TRRAP: variants seen among roughly 807,000 people sequenced by gnomAD.
TRRAP encodes the protein transformation/transcription domain associated protein.
TRRAP carries 41 observed loss-of-function variants against 438.8 expected under a neutral mutation model. The observed-to-expected ratio is 0.09, with a 90% CI of 0.07 to 0.12. The LOEUF is 0.12. TRRAP is among the 10% of genes least tolerant of loss of function. The pLI is 1.00. For synonymous variants in TRRAP, 1,994 were observed against 1,962.9 expected (o/e 1.02, Z -0.42); for missense variants, 3,122 against 5,055.1 (o/e 0.62, Z 11.60).
rs1435794744 is a variant in TRRAP at position 98,920,465 on chromosome 7, G to A, written c.2623-1288G>A. On this transcript the variant is annotated intron_variant, in intron 20 of 72. Transcript: ENST00000456197. ...AGCCTGGTTGACAGAGCGAGACTCC[G>A]TCTCCAAAAAAAAAAAAAAGAAAAG... is the stretch of plus-strand genomic sequence containing the variant. Among the ~76,000 whole-genome samples, 8 of 148,886 alleles carry A rather than the reference G, an allele frequency of 5.4e-5. No individual in the cohort carries two copies. The East Asian group carries it at 7.9e-4, about 15-fold the overall frequency.
intron 67 of TRRAP, among the ~76,000 whole-genome samples, chr7:99,003,237 A>G (rs767408155): frequency 3.3e-5 from 5 of 152,238 alleles, no homozygotes; most frequent in Non-Finnish European, 7.3e-5. Flanking sequence ...ACAGAAAGAC[A>G]TTTTAATATG....
At position 98,964,655 on chromosome 7, in the gene TRRAP, T is replaced by C; in HGVS notation, c.6856T>C (p.Cys2286Arg). The change falls in exon 48 of 73, where the codon TGC becomes CGC. Residue 2286 changes from cysteine (C) to arginine (R), a missense_variant. Physicochemically the swap from Cys to Arg is radical, Grantham distance 180. Around this residue, in one of 24 missense-constraint regions of TRRAP, gnomAD observed 992 missense variants for 1,281.2 expected, o/e 0.77. Transcript: ENST00000456197. ...GACCCTTATGATCCTCAAGTCTGCC[T>C]GCAGCAACAACCCCAGCTACATAGA... Reference protein sequence around the residue: ...FGTLMILKSACSNNPSYIDRL... With the variant: ...FGTLMILKSARSNNPSYIDRL... 6.2e-7 allele frequency: 1 copy of C among 1,614,016 alleles called. No homozygotes were observed. Among genetic ancestry groups the C allele is most frequent in the Non-Finnish European group, 8.5e-7 (1 of 1,179,972 alleles).
chr7:98,913,536 C>T (rs1247919401), intron 18 of TRRAP, among the ~76,000 whole-genome samples: 1 of 152,082 alleles, frequency 6.6e-6, no homozygotes, highest in Non-Finnish European at 1.5e-5. Flanking sequence ...TGATCGTCTG[C>T]CTTGGCCTCT....
At chr7:98,981,443 CTG>C (rs1049914295) in intron 58 of TRRAP, among the ~76,000 whole-genome samples, 1 of 152,128 alleles carries the variant, frequency 6.6e-6, no homozygotes, top group African/African-American at 2.4e-5. Context: ...TGTTAGCAGA[CTG>C]TGTGATTTTT....
intron 67 of TRRAP, chr7:98,999,975 C>G (rs2116838241): frequency 4.8e-6 from 1 of 207,790 alleles, no homozygotes; most frequent in African/African-American, 2.4e-5. Flanking sequence ...AAAAGGATGT[C>G]AGCACCGCAA....
chr7:98,931,099 CAT>C (rs1441875134), intron 25 of TRRAP, among the ~76,000 whole-genome samples: 6 of 152,352 alleles, frequency 3.9e-5, no homozygotes, highest in South Asian at 4.1e-4. Flanking sequence ...TTCTGCTTCT[CAT>C]GTGCTGTTTC....
chr7:98,919,382 C>T (rs921967469), intron 20 of TRRAP, among the ~76,000 whole-genome samples: 2 of 152,186 alleles, frequency 1.3e-5, no homozygotes, highest in African/African-American at 4.8e-5. Flanking sequence ...AGGAGCATTG[C>T]TTGAGCCTAG....
chr7:99,010,984 T>G, intron 70 of TRRAP, 68 bp from the exon 71 acceptor site: 17 of 1,492,624 alleles, frequency 1.1e-5, no homozygotes, highest in Non-Finnish European at 1.4e-5. Flanking sequence ...AATTGCAATT[T>G]GAGAATTTTT....
At chr7:98,914,963 T>C (rs1789454236) in intron 18 of TRRAP, among the ~76,000 whole-genome samples, 1 of 151,982 alleles carries the variant, frequency 6.6e-6, no homozygotes. Flanking sequence ...AAACTTAGCA[T>C]GTGACATATC....
chr7:98,987,022 C>T (rs913911052), intron 62 of TRRAP, among the ~76,000 whole-genome samples: 1 of 152,164 alleles, frequency 6.6e-6, no homozygotes, highest in African/African-American at 2.4e-5. Context: ...CAGTGGCTCA[C>T]ACCTGTAATC....
At position 98,897,773 on chromosome 7, in the gene TRRAP, C is replaced by A. The variant is rs150341749; in HGVS notation, c.540C>A (p.Pro180=). 9.9e-6 allele frequency: 16 copies of A among 1,613,666 alleles called. No individual in the cohort carries two copies. The African/African-American group carries it at 2.1e-4, about 22-fold the overall frequency. ...ACTTTGAGAACCCTCAAGTGATCCC[C>A]GAGAACACAGTGCCTCCCCCAGAAA... ...NRYFENPQVI[P]ENTVPPPEMV... is the part of the protein sequence containing the mutation. The change falls in exon 8 of 73, where the codon CCC becomes CCA. Residue 180 remains proline, a synonymous_variant. Coordinates refer to ENST00000456197, the MANE Select transcript of TRRAP (RefSeq NM_001375524.1).
rs539964537 is a variant in TRRAP at position 98,931,620 on chromosome 7, G to C, written c.3807G>C (p.Gln1269His). The C allele has an allele frequency of 2.5e-5, 40 of 1,614,084 alleles. No homozygotes were observed. The Middle Eastern group carries it at 4.9e-4, about 20-fold the overall frequency. ...TGCATTCGCTGCAGGTGTTGGCCCA[G>C]GTCACTGGGAAGAGTGTCACGGTGA... ...QAMHSLQVLA[Q>H]VTGKSVTVIM... The change falls in exon 26 of 73, where the codon CAG becomes CAC. Residue 1269 changes from glutamine (Q) to histidine (H), a missense_variant. Gln to His is a conservative substitution (Grantham distance 24). Transcript: ENST00000456197.
At chr7:98,894,826 G>A (rs1554405510) in intron 6 of TRRAP, among the ~76,000 whole-genome samples, 1 of 140,632 alleles carries the variant, frequency 7.1e-6, no homozygotes, top group Non-Finnish European at 1.5e-5. Context: ...TAGTAGAGAT[G>A]GGGTTTCACC....
intron 64 of TRRAP, among the ~76,000 whole-genome samples, 158 bp from the exon 65 acceptor site, chr7:98,991,979 C>T (rs1019706501): frequency 2.6e-5 from 4 of 152,192 alleles, no homozygotes; most frequent in African/African-American, 9.7e-5. Context: ...TGAACCTGGC[C>T]TTGTGCGTCA....
At chr7:98,897,189 C>G (rs1244024083) in intron 7 of TRRAP, among the ~76,000 whole-genome samples, 1 of 152,036 alleles carries the variant, frequency 6.6e-6, no homozygotes, top group African/African-American at 2.4e-5. Context: ...GAGCCAAGAT[C>G]GTACCACTGC....
intron 30 of TRRAP, among the ~76,000 whole-genome samples, chr7:98,939,395 ATC>A (rs781877363): frequency 7.9e-5 from 12 of 152,198 alleles, no homozygotes; most frequent in Non-Finnish European, 1.6e-4. Flanking sequence ...ATGTAGAGAA[ATC>A]TCTCATATAT....
Position 98,933,324 on chromosome 7 carries a change from C to T in TRRAP, c.3936C>T (p.Asn1312=). The change falls in exon 27 of 73, where the codon AAC becomes AAT. Residue 1312 remains asparagine (N), a synonymous_variant. Transcript: ENST00000456197. Reference sequence around the variant, plus strand: ...CACAGATTGGCCTGATGGAGGGGAACACGTTCTGTACCACGTTGCAGCCCA... The same window carrying T: ...CACAGATTGGCCTGATGGAGGGGAATACGTTCTGTACCACGTTGCAGCCCA... ...ANAQIGLMEG[N]TFCTTLQPRL... is the part of the protein sequence containing the mutation. The T allele has an allele frequency of 1.9e-6, 3 of 1,614,218 alleles. No individual in the cohort carries two copies. The highest frequency in any genetic ancestry group is 2.5e-6 in the Non-Finnish European group (3 of 1,180,046).
At position 98,949,671 on chromosome 7, in the gene TRRAP, T is replaced by C. The variant is rs1791242584; in HGVS notation, c.4965T>C (p.Ile1655=). 6.2e-7 allele frequency: 1 copy of C among 1,613,176 alleles called. No homozygotes were observed. The highest frequency in any genetic ancestry group is 8.5e-7 in the Non-Finnish European group (1 of 1,179,696). The change falls in exon 37 of 73, where the codon ATT becomes ATC. Residue 1655 remains isoleucine (I), a synonymous_variant. Coordinates refer to ENST00000456197, the MANE Select transcript of TRRAP (RefSeq NM_001375524.1). ...LQFQAIKIIS[I]IVKNDDSWLA... is the part of the protein sequence containing the mutation. ...CTCTTCTTTGACAGATCATAAGCAT[T>C]ATAGTGAAAAACGATGACTCCTGGC...
intron 33 of TRRAP, among the ~76,000 whole-genome samples, chr7:98,947,505 G>A (rs577529992): frequency 7.9e-5 from 12 of 151,754 alleles, no homozygotes; most frequent in African/African-American, 2.9e-4. Flanking sequence ...GCCCAGGCTG[G>A]AGTGCAGTGG....
Sources: gnomAD v4.1 joint callset for allele counts (sites outside exome capture counted in the v4.1 genomes callset) on GRCh38, gnomAD v4.1.1 for gene constraint, gnomAD v4.1.1 regional missense constraint, MANE v1.5 for transcripts, NCBI Gene and HGNC (gene_info 2026-07-23, HGNC 2026-07-21) for gene names.